The following CDH2 variants were observed in gnomAD, a reference collection of about 807,000 sequenced individuals.
CDH2 encodes the protein cadherin-2.
In CDH2, 17 loss-of-function variants were observed where a neutral mutation model predicts 92.0. That is an observed-to-expected ratio of 0.18 (90% CI 0.13 to 0.28). The LOEUF (loss-of-function observed/expected upper bound fraction) is 0.28. Among genes scored for constraint, CDH2 ranks in the 10% least tolerant of loss-of-function variants. The pLI is 1.00. For synonymous variants in CDH2, 419 were observed against 415.9 expected (o/e 1.01, Z -0.09); for missense variants, 862 against 1,133.1 (o/e 0.76, Z 3.44).
intron 14 of CDH2, among the ~76,000 whole-genome samples, chr18:27,973,724 C>A (rs2011733825): frequency 6.6e-6 from 1 of 152,190 alleles, no homozygotes; most frequent in Non-Finnish European, 1.5e-5. Context: ...TTTCTAGACA[C>A]ACTGAAGGTT....
At chr18:27,999,021 T>G (rs978216217) in intron 7 of CDH2, among the ~76,000 whole-genome samples, 4 of 152,222 alleles carry the variant, frequency 2.6e-5, no homozygotes, top group Admixed American at 6.5e-5. Flanking sequence ...ATATACTTTC[T>G]GTGTAACACA....
chr18:28,130,356 G>A (rs185451883), intron 2 of CDH2, among the ~76,000 whole-genome samples: 13 of 152,274 alleles, frequency 8.5e-5, no homozygotes, highest in East Asian at 3.9e-4. Context: ...AGACAGCAAC[G>A]CATTATTGCT....
chr18:27,943,754 T>A (rs75152050), intron 6 of CDH2, among the ~76,000 whole-genome samples: 1 of 152,274 alleles, frequency 6.6e-6, no homozygotes, highest in Non-Finnish European at 1.5e-5. Flanking sequence ...GCCATAGTTT[T>A]GGTTCAACGC....
In CDH2 at chr18:27,969,094, C is replaced by T. The variant is rs190083697; in HGVS notation, c.2350-5573G>A. Among the ~76,000 whole-genome samples the T allele has an allele frequency of 3.8e-3, 581 of 152,252 alleles. 2 individuals are homozygous for T. Among genetic ancestry groups the T allele is most frequent in the Non-Finnish European group, 7.2e-3 (488 of 68,022 alleles). On this transcript the variant is annotated intron_variant, in intron 14 of 15. Transcript: ENST00000269141. ...CTTCCCCAGTGAAATATCGTTATGA[C>T]GGTAACTATCTTCACAGGTGAAACG...
At chr18:28,137,975 G>T (rs1050423935) in intron 2 of CDH2, among the ~76,000 whole-genome samples, 5 of 151,870 alleles carry the variant, frequency 3.3e-5, no homozygotes, top group Non-Finnish European at 7.4e-5. Flanking sequence ...TAAAGTTGCT[G>T]TAGGCTGAAA....
chr18:27,998,900 G>T (rs1427361401), intron 7 of CDH2, among the ~76,000 whole-genome samples: 1 of 152,168 alleles, frequency 6.6e-6, no homozygotes, highest in East Asian at 1.9e-4. Context: ...GGAGAAGACT[G>T]GTGTGGAACT....
At chr18:28,010,528 T>A (rs1327613369) in intron 4 of CDH2, among the ~76,000 whole-genome samples, 1 of 151,950 alleles carries the variant, frequency 6.6e-6, no homozygotes, top group Non-Finnish European at 1.5e-5. Flanking sequence ...ACAACTACTC[T>A]CAAGAAAATT....
chr18:28,054,577 T>C (rs2014255891), intron 2 of CDH2, among the ~76,000 whole-genome samples: 1 of 152,210 alleles, frequency 6.6e-6, no homozygotes, highest in African/African-American at 2.4e-5. Flanking sequence ...GCCCAAGATG[T>C]CTGCCTTTAT....
intron 1 of CDH2, among the ~76,000 whole-genome samples, chr18:28,166,341 G>A (rs2016385213): frequency 6.6e-6 from 1 of 151,348 alleles, no homozygotes; most frequent in South Asian, 2.1e-4. Context: ...CACTGTTATC[G>A]ACGTTTGAGT....
chr18:28,106,601 AG>A (rs1409499706), intron 2 of CDH2, among the ~76,000 whole-genome samples: 1 of 152,196 alleles, frequency 6.6e-6, no homozygotes, highest in Non-Finnish European at 1.5e-5. Context: ...ACCACTGAAC[AG>A]TGAGGAAGAC....
intron 6 of CDH2, among the ~76,000 whole-genome samples, chr18:28,005,015 T>C (rs2012875310): frequency 6.6e-6 from 1 of 152,176 alleles, no homozygotes; most frequent in African/African-American, 2.4e-5. Context: ...CTGAGGCTTT[T>C]AAAAATACAA....
chr18:28,019,909 G>A (rs1270753193), intron 2 of CDH2, among the ~76,000 whole-genome samples: 1 of 152,076 alleles, frequency 6.6e-6, no homozygotes, highest in Admixed American at 6.6e-5. Context: ...AACTGAAAAA[G>A]TTCTCCTTGA....
chr18:28,089,257 T>C (rs1247100959), intron 2 of CDH2, among the ~76,000 whole-genome samples: 1 of 152,180 alleles, frequency 6.6e-6, no homozygotes, highest in Non-Finnish European at 1.5e-5. Flanking sequence ...ATGATAATTT[T>C]CTAGAAAAAA....
Position 27,985,021 on chromosome 18 carries a change from G to A in CDH2, c.2188C>T (p.Leu730Phe). The change falls in exon 13 of 16, where the codon CTC becomes TTC. Residue 730 changes from leucine (L) to phenylalanine (F), a missense_variant. Transcript: ENST00000269141. ...TCACTAAGCAGGATGATGATGCAGA[G>A]CAGGATGGCAATGATGGCACCGGTG... ...LGTGAIIAIL[L>F]CIIILLILVL... is the part of the protein sequence containing the mutation. The A allele has an allele frequency of 6.2e-7, 1 of 1,613,248 alleles. No homozygotes were observed. Among genetic ancestry groups the A allele is most frequent in the Non-Finnish European group, 8.5e-7 (1 of 1,179,166 alleles).
chr18:28,094,726 G>A (rs1470568202), intron 2 of CDH2, among the ~76,000 whole-genome samples: 3 of 147,150 alleles, frequency 2.0e-5, no homozygotes, highest in South Asian at 2.2e-4. Flanking sequence ...CCCGGGAAGC[G>A]GAGCTTGCAG....
At chr18:28,122,355 G>A (rs1427485446) in intron 2 of CDH2, among the ~76,000 whole-genome samples, 1 of 152,044 alleles carries the variant, frequency 6.6e-6, no homozygotes, top group Non-Finnish European at 1.5e-5. Flanking sequence ...TTGTACTATG[G>A]TATTTGTGCA....
At chr18:28,119,666 T>C (rs555097158) in intron 2 of CDH2, among the ~76,000 whole-genome samples, 13 of 152,250 alleles carry the variant, frequency 8.5e-5, no homozygotes, top group Admixed American at 4.6e-4. Flanking sequence ...GGACTGAAAC[T>C]GTAACCCAAT....
At chr18:28,009,990 G>GA (rs1567962606) in intron 4 of CDH2, 118 bp from the exon 5 acceptor site, 1 of 654,876 alleles carries the variant, frequency 1.5e-6, no homozygotes, top group Non-Finnish European at 2.3e-6. Flanking sequence ...TCTCTCCCCA[G>GA]AAAATCACTG....
rs2012247782 is a variant in CDH2 at position 27,986,763 on chromosome 18, G to C, written c.1742-1002C>G. Among the ~76,000 whole-genome samples the C allele has an allele frequency of 5.9e-5, 9 of 152,242 alleles. No homozygotes were observed. In the South Asian group the frequency reaches 1.9e-3, roughly 32 times the overall value. Reference sequence around the variant, plus strand: ...GATGGTTCTAAGAGCAGGGAGAGTTGAACTGGAAGGGTATAGTGGCTGTTA... The same window carrying C: ...GATGGTTCTAAGAGCAGGGAGAGTTCAACTGGAAGGGTATAGTGGCTGTTA... On this transcript the variant is annotated intron_variant, in intron 11 of 15. Transcript: ENST00000269141.
Sources: gnomAD v4.1 joint callset for allele counts (sites outside exome capture counted in the v4.1 genomes callset) on GRCh38, gnomAD v4.1.1 for gene constraint, MANE v1.5 for transcripts, NCBI Gene and HGNC (gene_info 2026-07-23, HGNC 2026-07-21) for gene names.